The following POMT1 variants were observed in gnomAD, a reference collection of about 807,000 sequenced individuals.
The protein encoded by POMT1 is protein O-mannosyl-transferase 1.
A neutral mutation model predicts 101.6 loss-of-function variants in POMT1; 85 were observed. The observed-to-expected ratio is 0.84, with a 90% CI of 0.70 to 1.00. The LOEUF is 1.00. Ranked by LOEUF, POMT1 falls within the 50% of genes least tolerant of loss-of-function variation. The probability of loss-of-function intolerance (pLI) is 0.00; values close to 1 mark genes in which losing one functional copy is unlikely to be tolerated. For synonymous variants in POMT1, 371 were observed against 383.0 expected (o/e 0.97, Z 0.37); for missense variants, 857 against 930.4 (o/e 0.92, Z 1.03).
At position 131,518,954 on chromosome 9, in the gene POMT1, G is replaced by A. The variant is rs774039973; in HGVS notation, c.1483G>A (p.Ala495Thr). ...VWNVEEHRYGASQEQRERERE... is the reference protein window; with the variant it reads ...VWNVEEHRYGTSQEQRERERE... ...GAACGTGGAGGAGCACCGATACGGC[G>A]CGAGTGAGTCCGCGGCGTGGCTTCC... The change falls in exon 15 of 20, where the codon GCG (alanine) becomes ACG (threonine). Residue 495 changes from alanine to threonine, a missense_variant. Coordinates refer to ENST00000402686, the MANE Select transcript of POMT1 (RefSeq NM_001077365.2). The A allele has an allele frequency of 1.7e-5, 27 of 1,613,342 alleles. No individual in the cohort carries two copies. Among genetic ancestry groups the A allele is most frequent in the East Asian group, 2.2e-5 (1 of 44,896 alleles).
At position 131,512,085 on chromosome 9, in the gene POMT1, G is replaced by C; in HGVS notation, c.1031G>C (p.Cys344Ser). 6.2e-7 allele frequency: 1 copy of C among 1,614,158 alleles called. No homozygotes were observed. The highest frequency in any genetic ancestry group is 8.5e-7 in the Non-Finnish European group (1 of 1,180,028). Residue 344 changes from cysteine to serine, a missense_variant, in exon 11 of 20, where the codon TGT becomes TCT. Transcript: ENST00000402686. The stretch of plus-strand genomic sequence containing the variant: ...AGCTCCCACCAGCAACAGGTGACCT[G>C]TTACCCCTTCAAAGATGTCAATAAC... Reference protein sequence around the residue: ...RGSSHQQQVTCYPFKDVNNWW... With the variant: ...RGSSHQQQVTSYPFKDVNNWW...
chr9:131,510,103 C>G (rs778498021), intron 8 of POMT1, 107 bp downstream of exon 8: 23 of 1,613,680 alleles, frequency 1.4e-5, no homozygotes, highest in African/African-American at 2.7e-5. Flanking sequence ...GTTTTAGAAG[C>G]AGGCAGGCCT....
chr9:131,508,623 C>T (rs1282709331), intron 5 of POMT1, among the ~76,000 whole-genome samples: 1 of 151,928 alleles, frequency 6.6e-6, no homozygotes, highest in Admixed American at 6.6e-5. Context: ...CCCTTGAGCC[C>T]TGGTGGTCAA....
Position 131,509,909 on chromosome 9 carries a change from G to A in POMT1, c.612G>A (p.Lys204=). The change falls in exon 8 of 20, where the codon AAG becomes AAA. Residue 204 remains lysine (K), a synonymous_variant. Transcript: ENST00000402686. ...TTCTGTCATGTCTTTGCAGCATCAA[G>A]TACATGGGTGTGTTCACGTACGTGC... ...GVACSCAVGI[K]YMGVFTYVLV... is the part of the protein sequence containing the mutation. 1 of 1,614,210 alleles carries A rather than the reference G, an allele frequency of 6.2e-7. No homozygotes were observed. The highest frequency in any genetic ancestry group is 8.5e-7 in the Non-Finnish European group (1 of 1,180,042).
Position 131,513,279 on chromosome 9 carries a change from C to T in POMT1, c.1123C>T (p.His375Tyr), listed in dbSNP as rs1166050610. ...GAGCAGCCCTCCGAGACCTGTGAGG[C>T]ACGGGGACATGGTGCAGCTGGTCCA... ...VVSSPPRPVRHGDMVQLVHGM... is the reference protein window; with the variant it reads ...VVSSPPRPVRYGDMVQLVHGM... The change falls in exon 12 of 20, where the codon CAC becomes TAC. Residue 375 changes from histidine (H) to tyrosine (Y), a missense_variant. His to Tyr is a moderately conservative substitution (Grantham distance 83). Transcript: ENST00000402686. 6.2e-7 allele frequency: 1 copy of T among 1,612,988 alleles called. No individual in the cohort carries two copies. Among genetic ancestry groups the T allele is most frequent in the African/African-American group, 1.3e-5 (1 of 74,888 alleles).
At position 131,513,240 on chromosome 9, in the gene POMT1, C is replaced by A. The variant is rs141229412; in HGVS notation, c.1084C>A (p.His362Asn). ...TCCCGACAGCACTGTGTCTTCCAGGCACCAGCTGGTGGTGAGCAGCCCTCC... is the reference window on the plus strand; with the variant it reads ...TCCCGACAGCACTGTGTCTTCCAGGAACCAGCTGGTGGTGAGCAGCCCTCC... Reference protein sequence around the residue: ...NWWIVKDPRRHQLVVSSPPRP... With the variant: ...NWWIVKDPRRNQLVVSSPPRP... Residue 362 changes from histidine to asparagine, a missense_variant and splice_region_variant, in exon 12 of 20, where the codon CAC (histidine) becomes AAC (asparagine). By Grantham distance (68) the His-to-Asn change is moderately conservative. Coordinates refer to ENST00000402686, the MANE Select transcript of POMT1 (RefSeq NM_001077365.2). 1.8e-5 allele frequency: 29 copies of A among 1,612,882 alleles called. No homozygotes were observed. The highest frequency in any genetic ancestry group is 2.5e-5 in the Non-Finnish European group (29 of 1,179,922).
chr9:131,518,616 C>A, intron 14 of POMT1, 79 bp downstream of exon 14: 1 of 1,459,350 alleles, frequency 6.9e-7, no homozygotes, highest in Non-Finnish European at 9.6e-7. Context: ...GGCTTCACCG[C>A]CTCTCTGCAG....
chr9:131,509,569 A>G (rs1946638006), intron 6 of POMT1, among the ~76,000 whole-genome samples, 174 bp from the exon 7 acceptor site: 1 of 152,220 alleles, frequency 6.6e-6, no homozygotes, highest in African/African-American at 2.4e-5. Context: ...GGGCAAAAAG[A>G]AAAATTCTGC....
rs371653610 is a variant in POMT1, at chr9:131,515,444, C to G, written c.1194C>G (p.Pro398=). 9.9e-6 allele frequency: 16 copies of G among 1,614,098 alleles called. No individual in the cohort carries two copies. Among genetic ancestry groups the G allele is most frequent in the Admixed American group, 3.3e-5 (2 of 60,000 alleles). Residue 398 remains proline (P), a synonymous_variant, in exon 13 of 20, where the codon CCC becomes CCG. Transcript: ENST00000402686. ...TTTCCAGGCATGATGTTGCAGCCCCCCTGAGCCCCCATTCACAGGAGGTCT... is the reference window on the plus strand; with the variant it reads ...TTTCCAGGCATGATGTTGCAGCCCCGCTGAGCCCCCATTCACAGGAGGTCT... ...RSLNTHDVAA[P]LSPHSQEVSC...
Position 131,507,286 on chromosome 9 carries a change from C to T in POMT1, c.281-82C>T, listed in dbSNP as rs6597501. The stretch of plus-strand genomic sequence containing the variant: ...ATTTTAGAGTCTGTGAACATGACGG[C>T]GCTATGTGAAAGCATAGCTGCAGTA... On this transcript the variant is annotated intron_variant, in intron 4 of 19. Transcript: ENST00000402686. 0.94 allele frequency: 1,503,522 copies of T among 1,600,182 alleles called. 708,619 individuals carry two copies. Among genetic ancestry groups the T allele is most frequent in the South Asian group, 0.97 (88,011 of 90,680 alleles).
chr9:131,519,013 A>G lies in POMT1; in HGVS notation c.1486+56A>G, dbSNP rs369939129. On this transcript the variant is annotated intron_variant, in intron 15 of 19. Transcript: ENST00000402686. The surrounding 1 kb of genome is among the most constrained non-coding windows in gnomAD (Gnocchi z 4.3). ...TGGAATGTACTTTCAGCTGCTCAATATTTGATAACACCCCAGAGTTCTCAT... is the reference window on the plus strand; with the variant it reads ...TGGAATGTACTTTCAGCTGCTCAATGTTTGATAACACCCCAGAGTTCTCAT... The G allele has an allele frequency of 1.2e-6, 2 of 1,609,258 alleles. No homozygotes were observed.
rs1403001485 is a variant in POMT1, at chr9:131,519,406, C to T, written c.1504C>T (p.Arg502Trp). ...RYGASQEQRE[R>W]ERELHSPAQV... ...TCTGCCAGGCCAGGAGCAGAGGGAG[C>T]GGGAACGGGAGCTGCACTCACCTGC... The change falls in exon 16 of 20, where the codon CGG becomes TGG. Residue 502 changes from arginine to tryptophan, a missense_variant. Coordinates refer to ENST00000402686, the MANE Select transcript of POMT1 (RefSeq NM_001077365.2). This position sits in a 1 kb window ranked among gnomAD's most constrained non-coding sequence, Gnocchi z 4.3. The T allele has an allele frequency of 1.7e-5, 26 of 1,551,796 alleles. No homozygotes were observed. Among genetic ancestry groups the T allele is most frequent in the South Asian group, 9.5e-5 (8 of 84,092 alleles).
intron 10 of POMT1, chr9:131,511,732 C>T: frequency 1.7e-6 from 1 of 581,794 alleles, no homozygotes; most frequent in Non-Finnish European, 3.0e-6. Flanking sequence ...GATTTCGGCT[C>T]CTTGTCTGTG....
Position 131,522,310 on chromosome 9 carries a change from G to A in POMT1, c.2003+86G>A, listed in dbSNP as rs1202275383. 1.3e-5 allele frequency: 20 copies of A among 1,587,494 alleles called. No individual in the cohort carries two copies. The highest frequency in any genetic ancestry group is 2.2e-5 in the South Asian group (2 of 89,650). On this transcript the variant is annotated intron_variant, in intron 19 of 19. Transcript: ENST00000402686. The surrounding 1 kb of genome is among the most constrained non-coding windows in gnomAD (Gnocchi z 5.5). ...GCGCAGCAAACACATGGGGTGCAGC[G>A]AACCTCACCCATTTCACGTTACACT...
chr9:131,518,377 G>A lies in POMT1; in HGVS notation c.1273-68G>A, dbSNP rs778217490. On this transcript the variant is annotated intron_variant, in intron 13 of 19. Transcript: ENST00000402686. The stretch of plus-strand genomic sequence containing the variant: ...AAGTCAGTATCATTGTTTGGTGACA[G>A]GTCTTTATTTTTACATTGAAGGAAA... The A allele has an allele frequency of 3.4e-5, 43 of 1,278,650 alleles. 1 individual carries two copies. Among genetic ancestry groups the A allele is most frequent in the East Asian group, 2.8e-4 (12 of 43,264 alleles). The allele number at this position is 1,278,650 out of a possible 1,614,324, so 79.2% of individuals were successfully genotyped here.
intron 4 of POMT1, chr9:131,506,797 G>A (rs114317081): frequency 0.11 from 40,955 of 362,166 alleles, 2,808 homozygotes; most frequent in Non-Finnish European, 0.13. Flanking sequence ...GGCCGGGCGC[G>A]CTGGCTCACG....
chr9:131,514,500 A>G (rs1300747650), intron 12 of POMT1, among the ~76,000 whole-genome samples: 3 of 152,218 alleles, frequency 2.0e-5, no homozygotes, highest in Non-Finnish European at 4.4e-5. Flanking sequence ...TTGTTTTATT[A>G]GTGGCACTCC....
intron 18 of POMT1, 80 bp downstream of exon 18, chr9:131,521,552 A>T: frequency 6.6e-7 from 1 of 1,511,560 alleles, no homozygotes; most frequent in Non-Finnish European, 9.1e-7. Context: ...GTGTTCTTGA[A>T]CTCCTGGGCT....
At chr9:131,515,311 T>C (rs1948065086) in intron 12 of POMT1, 115 bp from the exon 13 acceptor site, 1 of 1,074,044 alleles carries the variant, frequency 9.3e-7, no homozygotes, top group Non-Finnish European at 1.4e-6. Flanking sequence ...GGCCACCCCT[T>C]ATGGCTGAGC....
Sources: gnomAD v4.1 joint callset for allele counts (sites outside exome capture counted in the v4.1 genomes callset) on GRCh38, gnomAD v4.1.1 for gene constraint, Gnocchi (gnomAD v3.1) non-coding constraint, MANE v1.5 for transcripts, NCBI Gene and HGNC (gene_info 2026-07-23, HGNC 2026-07-21) for gene names.